Variants in ZNF292 observed in about 807,000 individuals in gnomAD.
The protein encoded by ZNF292 is 16 zinc-finger domain protein.
ZNF292 carries 26 observed loss-of-function variants against 217.9 expected under a neutral mutation model. The ratio of observed to expected loss-of-function variants is 0.12; its 90% CI spans 0.09 to 0.17. ZNF292 has a LOEUF of 0.17. ZNF292 is among the 10% of genes least tolerant of loss of function. ZNF292 has a pLI of 1.00. For missense variants in ZNF292, 2,904 were observed against 3,175.2 expected (o/e 0.91, Z 2.05); for synonymous variants, 1,257 against 1,124.1 (o/e 1.12, Z -2.37).
chr6:87,188,837 A>G (rs1261818258), intron 1 of ZNF292, among the ~76,000 whole-genome samples: 2 of 151,882 alleles, frequency 1.3e-5, no homozygotes, highest in African/African-American at 4.8e-5. Flanking sequence ...ATTAATCTAA[A>G]CAAGACTTTT....
chr6:87,211,737 T>C (rs1034476159), intron 1 of ZNF292, among the ~76,000 whole-genome samples: 1 of 152,208 alleles, frequency 6.6e-6, no homozygotes, highest in African/African-American at 2.4e-5. Flanking sequence ...TTTTAAATTT[T>C]CTTACCATAT....
chr6:87,220,459 A>G (rs1265446975), intron 4 of ZNF292, among the ~76,000 whole-genome samples: 1 of 152,134 alleles, frequency 6.6e-6, no homozygotes, highest in African/African-American at 2.4e-5. Context: ...CCACATTACC[A>G]GTGATGAGAG....
At chr6:87,203,780 G>A (rs1772164294) in intron 1 of ZNF292, among the ~76,000 whole-genome samples, 1 of 151,996 alleles carries the variant, frequency 6.6e-6, no homozygotes, top group Admixed American at 6.6e-5. Flanking sequence ...ATCCATGGGT[G>A]GGGAAGGAGC....
chr6:87,238,950 T>A (rs1774051561), intron 5 of ZNF292, among the ~76,000 whole-genome samples: 1 of 152,186 alleles, frequency 6.6e-6, no homozygotes, highest in African/African-American at 2.4e-5. Flanking sequence ...TTAATCCATT[T>A]AACCCTGAGT....
At chr6:87,206,329 C>A (rs913735395) in intron 1 of ZNF292, among the ~76,000 whole-genome samples, 2 of 113,018 alleles carry the variant, frequency 1.8e-5, no homozygotes, top group African/African-American at 8.9e-5. Flanking sequence ...ACACTTCCCA[C>A]CCTCAGTACT....
At chr6:87,227,002 T>A (rs1194570402) in intron 4 of ZNF292, among the ~76,000 whole-genome samples, 1 of 152,080 alleles carries the variant, frequency 6.6e-6, no homozygotes, top group Non-Finnish European at 1.5e-5. Context: ...TTTTATAATG[T>A]TACATGGAAA....
At chr6:87,211,903 A>G (rs1772503663) in intron 1 of ZNF292, among the ~76,000 whole-genome samples, 1 of 152,214 alleles carries the variant, frequency 6.6e-6, no homozygotes, top group South Asian at 2.1e-4. Flanking sequence ...TCATATGTGT[A>G]TAAATATAAA....
chr6:87,215,511 T>C (rs1310735942), intron 1 of ZNF292, among the ~76,000 whole-genome samples: 1 of 152,184 alleles, frequency 6.6e-6, no homozygotes, highest in Non-Finnish European at 1.5e-5. Flanking sequence ...ATATTGAATT[T>C]TCTGCTGCTT....
chr6:87,162,943 T>A (rs139481558), intron 1 of ZNF292, among the ~76,000 whole-genome samples: 3 of 152,328 alleles, frequency 2.0e-5, no homozygotes, highest in African/African-American at 7.2e-5. Context: ...TTGCTTTCAT[T>A]AATATGTTTG....
intron 3 of ZNF292, 31 bp downstream of exon 3, chr6:87,216,408 G>C: frequency 6.8e-7 from 1 of 1,464,200 alleles, no homozygotes; most frequent in Non-Finnish European, 9.3e-7. Context: ...ATTTAATACA[G>C]GTATATCTTA....
chr6:87,191,146 A>G (rs1055140653), intron 1 of ZNF292, among the ~76,000 whole-genome samples: 1 of 152,132 alleles, frequency 6.6e-6, no homozygotes. Flanking sequence ...TACATCCTTA[A>G]ATGTAATGTT....
In ZNF292 at chr6:87,161,151, CAGTT is replaced by C. The variant is rs555506128; in HGVS notation, c.168+5396_168+5399del. ...CAGAAATTACAAGCAATTGCATAAA[CAGTT>C]AGTAAAACAACTTTTGCTAGGTTAA... On this transcript the variant is annotated intron_variant, in intron 1 of 7. Transcript: ENST00000369577. Among the ~76,000 whole-genome samples the C allele has an allele frequency of 1.4e-4, 21 of 152,174 alleles. No individual in the cohort carries two copies. In the East Asian group the frequency reaches 2.7e-3, roughly 20 times the overall value.
rs775283264 is a variant in ZNF292, at chr6:87,254,935, T to C, written c.1306T>C (p.Leu436=). The C allele has an allele frequency of 2.5e-6, 4 of 1,613,888 alleles. No individual in the cohort carries two copies. Among genetic ancestry groups the C allele is most frequent in the South Asian group, 2.2e-5 (2 of 91,082 alleles). The change falls in exon 8 of 8, where the codon TTG becomes CTG. Residue 436 remains leucine (L), a synonymous_variant. Coordinates refer to ENST00000369577, the MANE Select transcript of ZNF292 (RefSeq NM_015021.3). ...NSLRCELLLV[L]KTQWPFDPEF... ...TTTACGCTGTGAGCTGTTACTTGTA[T>C]TGAAAACTCAATGGCCCTTTGATCC...
chr6:87,187,926 T>G (rs1179993720), intron 1 of ZNF292, among the ~76,000 whole-genome samples: 1 of 152,132 alleles, frequency 6.6e-6, no homozygotes, highest in Non-Finnish European at 1.5e-5. Flanking sequence ...CACCAACTGC[T>G]ACCTATCTGC....
chr6:87,233,282 T>C, intron 4 of ZNF292, 43 bp from the exon 5 acceptor site: 3 of 1,406,328 alleles, frequency 2.1e-6, no homozygotes, highest in Non-Finnish European at 1.9e-6. Context: ...GCAAATGAAT[T>C]ATTACCAAAT....
At chr6:87,217,374 TTTG>T (rs1230378218) in intron 3 of ZNF292, among the ~76,000 whole-genome samples, 1 of 152,118 alleles carries the variant, frequency 6.6e-6, no homozygotes, top group Non-Finnish European at 1.5e-5. Context: ...TTAATAACTG[TTTG>T]TTGAAATGAA....
intron 1 of ZNF292, among the ~76,000 whole-genome samples, chr6:87,201,606 G>T (rs1772100907): frequency 6.6e-6 from 1 of 152,036 alleles, no homozygotes; most frequent in South Asian, 2.1e-4. Flanking sequence ...GTTTCTCCAT[G>T]TTGGTCAGGC....
At chr6:87,159,346 C>T (rs956947357) in intron 1 of ZNF292, among the ~76,000 whole-genome samples, 40 of 151,770 alleles carry the variant, frequency 2.6e-4, no homozygotes, top group Non-Finnish European at 2.9e-5. Context: ...CATAGTAGAG[C>T]GCCCGTCATA....
rs1261731153 is a variant in ZNF292, at chr6:87,264,867, G to A, written c.*3066G>A. Among the ~76,000 whole-genome samples, 2 of 152,212 alleles carry A rather than the reference G, an allele frequency of 1.3e-5. No individual in the cohort carries two copies. The highest frequency in any genetic ancestry group is 4.8e-5 in the African/African-American group (2 of 41,456). On this transcript the variant is annotated 3_prime_UTR_variant, in exon 8 of 8. Transcript: ENST00000369577. ...TGTCATGGTATAGTGGATAAATTGA[G>A]TAAGTTGGAGATTAATTAGGGGGAC...
Sources: gnomAD v4.1 joint callset for allele counts (sites outside exome capture counted in the v4.1 genomes callset) on GRCh38, gnomAD v4.1.1 for gene constraint, MANE v1.5 for transcripts, NCBI Gene and HGNC (gene_info 2026-07-23, HGNC 2026-07-21) for gene names.